The following SLCO6A1 variants were observed in gnomAD, a reference collection of about 807,000 sequenced individuals.
SLCO6A1 encodes cancer/testis antigen 48.
Under a neutral mutation model 72.7 loss-of-function variants are expected in SLCO6A1, and 65 were observed. The observed-to-expected ratio is 0.89, with a 90% CI of 0.73 to 1.10. SLCO6A1 has a LOEUF of 1.10. Ranked by LOEUF, SLCO6A1 falls within the 50% of genes least tolerant of loss-of-function variation. SLCO6A1 has a pLI of 0.00. For missense variants in SLCO6A1, 874 were observed against 872.6 expected (o/e 1.00, Z -0.02); for synonymous variants, 314 against 298.2 (o/e 1.05, Z -0.55).
At chr5:102,497,374 C>T (rs1024217167) in intron 1 of SLCO6A1, among the ~76,000 whole-genome samples, 2 of 152,250 alleles carry the variant, frequency 1.3e-5, no homozygotes, top group South Asian at 2.1e-4. Flanking sequence ...TCATAGACAC[C>T]GTTTTCAACT....
Position 102,498,728 on chromosome 5 carries a change from C to T in SLCO6A1, c.117G>A (p.Pro39=), listed in dbSNP as rs1232941592. Residue 39 remains proline (P), a synonymous_variant, in exon 1 of 14, where the codon CCG becomes CCA. Coordinates refer to ENST00000506729, the MANE Select transcript of SLCO6A1 (RefSeq NM_173488.5). The stretch of plus-strand genomic sequence containing the variant: ...GTTTTTTCCCGGGCTTCGAGGACTT[C>T]GGGGTTCCCTTGGCCCTCCTGTCCT... ...PAKDRRAKGT[P]KSSKPGKKHR... 2.5e-6 allele frequency: 4 copies of T among 1,614,048 alleles called. No homozygotes were observed. The highest frequency in any genetic ancestry group is 4.5e-5 in the East Asian group (2 of 44,878).
intron 1 of SLCO6A1, among the ~76,000 whole-genome samples, chr5:102,491,959 G>A (rs958057571): frequency 6.6e-6 from 1 of 152,274 alleles, no homozygotes; most frequent in Non-Finnish European, 1.5e-5. Flanking sequence ...GCCTCAGGGA[G>A]GCCTCAGGAA....
chr5:102,394,272 C>G (rs1476924717), intron 10 of SLCO6A1, among the ~76,000 whole-genome samples: 7 of 152,192 alleles, frequency 4.6e-5, no homozygotes, highest in Non-Finnish European at 5.9e-5. Flanking sequence ...ACTTATTTAA[C>G]AATAATTTCA....
intron 6 of SLCO6A1, among the ~76,000 whole-genome samples, chr5:102,445,139 A>C (rs1049047609): frequency 2.6e-5 from 4 of 152,186 alleles, no homozygotes; most frequent in Admixed American, 1.3e-4. Context: ...TCTTTGAGGA[A>C]TTGCCACACT....
intron 6 of SLCO6A1, among the ~76,000 whole-genome samples, chr5:102,444,032 C>A (rs904076718): frequency 6.6e-6 from 1 of 152,138 alleles, no homozygotes; most frequent in Admixed American, 6.5e-5. Context: ...GGGGTTCATT[C>A]TGGTCTAGGA....
Position 102,375,812 on chromosome 5 carries a change from T to C in SLCO6A1, c.2018-2318A>G, listed in dbSNP as rs115568004. Among the ~76,000 whole-genome samples, 1,258 of 152,078 alleles carry C rather than the reference T, an allele frequency of 8.3e-3. 12 individuals are homozygous for C. The highest frequency in any genetic ancestry group is 0.015 in the Non-Finnish European group (1,008 of 67,980). On this transcript the variant is annotated intron_variant, in intron 12 of 13. Transcript: ENST00000506729. ...TGAAATAGTATCAAGTGATCACACA[T>C]ATATTAAATAGAGCCCCAGAAGGAG...
At chr5:102,398,947 A>G (rs1747249527) in intron 10 of SLCO6A1, among the ~76,000 whole-genome samples, 1 of 152,064 alleles carries the variant, frequency 6.6e-6, no homozygotes, top group Non-Finnish European at 1.5e-5. Flanking sequence ...TGGTCAGCCT[A>G]TGCAGGCTTT....
At chr5:102,468,958 T>G (rs1160742297) in intron 4 of SLCO6A1, among the ~76,000 whole-genome samples, 2 of 152,180 alleles carry the variant, frequency 1.3e-5, no homozygotes, top group Non-Finnish European at 2.9e-5. Context: ...TTGTCAAAGA[T>G]CAGATGGTTG....
At chr5:102,455,501 C>A (rs1004520885) in intron 6 of SLCO6A1, among the ~76,000 whole-genome samples, 4 of 151,990 alleles carry the variant, frequency 2.6e-5, no homozygotes, top group East Asian at 1.9e-4. Flanking sequence ...ATATTGTAGA[C>A]CTTGTTTCAC....
intron 6 of SLCO6A1, among the ~76,000 whole-genome samples, chr5:102,443,053 C>G (rs1011975283): frequency 6.6e-6 from 1 of 152,044 alleles, no homozygotes; most frequent in Non-Finnish European, 1.5e-5. Context: ...AAAAATTAGC[C>G]GGGCGTAGTG....
At chr5:102,492,367 T>C (rs918751301) in intron 1 of SLCO6A1, among the ~76,000 whole-genome samples, 3 of 152,192 alleles carry the variant, frequency 2.0e-5, no homozygotes, top group African/African-American at 7.2e-5. Context: ...GATGACCTCC[T>C]CAGTAGACTG....
At chr5:102,385,121 C>G (rs763602237) in intron 12 of SLCO6A1, among the ~76,000 whole-genome samples, 1 of 152,112 alleles carries the variant, frequency 6.6e-6, no homozygotes, top group Non-Finnish European at 1.5e-5. Flanking sequence ...TTTCTTTCAG[C>G]ACGTTAAATA....
intron 8 of SLCO6A1, among the ~76,000 whole-genome samples, chr5:102,413,952 G>T (rs917694709): frequency 6.6e-6 from 1 of 151,734 alleles, no homozygotes; most frequent in African/African-American, 2.4e-5. Context: ...TTGTTGGATT[G>T]CTTATTTTTT....
intron 6 of SLCO6A1, among the ~76,000 whole-genome samples, chr5:102,443,885 A>G (rs1749972009): frequency 6.6e-6 from 1 of 152,190 alleles, no homozygotes; most frequent in Non-Finnish European, 1.5e-5. Flanking sequence ...TTGACATAAA[A>G]AGGGAGAAAT....
chr5:102,403,067 G>A (rs1228787961), intron 9 of SLCO6A1, among the ~76,000 whole-genome samples: 1 of 152,120 alleles, frequency 6.6e-6, no homozygotes, highest in Non-Finnish European at 1.5e-5. Context: ...CTCTCTAAAT[G>A]AGAATATCAT....
intron 12 of SLCO6A1, among the ~76,000 whole-genome samples, chr5:102,375,517 T>C (rs1267204734): frequency 6.6e-6 from 1 of 152,082 alleles, no homozygotes; most frequent in Non-Finnish European, 1.5e-5. Context: ...GCAAGACATA[T>C]GAAAAAGCCA....
intron 9 of SLCO6A1, among the ~76,000 whole-genome samples, chr5:102,411,575 G>C (rs1362543585): frequency 6.7e-6 from 1 of 149,364 alleles, no homozygotes; most frequent in African/African-American, 2.5e-5. Context: ...CCATAGATGT[G>C]TTATTGAGGA....
intron 10 of SLCO6A1, among the ~76,000 whole-genome samples, chr5:102,392,798 A>C (rs973246148): frequency 6.6e-6 from 1 of 152,070 alleles, no homozygotes; most frequent in Admixed American, 6.6e-5. Flanking sequence ...CCCAACATGT[A>C]AAAGGAAGCT....
chr5:102,493,527 A>G (rs1752779358), intron 1 of SLCO6A1, among the ~76,000 whole-genome samples: 3 of 152,182 alleles, frequency 2.0e-5, no homozygotes, highest in Admixed American at 2.0e-4. Context: ...AATAAAACCT[A>G]CAGTTAACAT....
Sources: gnomAD v4.1 joint callset for allele counts (sites outside exome capture counted in the v4.1 genomes callset) on GRCh38, gnomAD v4.1.1 for gene constraint, MANE v1.5 for transcripts, NCBI Gene and HGNC (gene_info 2026-07-23, HGNC 2026-07-21) for gene names.